GNG7: variants seen among roughly 807,000 people sequenced by gnomAD.
GNG7 encodes the protein G protein subunit gamma 7.
A neutral mutation model predicts 4.0 loss-of-function variants in GNG7; 1 was observed. The ratio of observed to expected loss-of-function variants is 0.25; its 90% CI spans 0.09 to 1.18. The LOEUF is 1.18. Among genes scored for constraint, GNG7 ranks in the 50% most tolerant of loss-of-function variants. The probability of loss-of-function intolerance (pLI) is 0.50; values close to 1 mark genes in which losing one functional copy is unlikely to be tolerated. For synonymous variants in GNG7, 34 were observed against 36.9 expected (o/e 0.92, Z 0.29); for missense variants, 86 against 91.9 (o/e 0.94, Z 0.26).
intron 1 of GNG7, among the ~76,000 whole-genome samples, chr19:2,668,755 C>T (rs1317656942): frequency 6.6e-6 from 1 of 152,152 alleles, no homozygotes; most frequent in South Asian, 2.1e-4. Context: ...CCGTGACATC[C>T]TGATCTTTGC....
chr19:2,604,870 A>G lies in GNG7; in HGVS notation c.-78+41354T>C, dbSNP rs574930324. 4.6e-5 allele frequency among the ~76,000 whole-genome samples: 7 copies of G among 152,330 alleles called. No homozygotes were observed. The East Asian group carries it at 1.2e-3, about 25-fold the overall frequency. On this transcript the variant is annotated intron_variant, in intron 2 of 4. Transcript: ENST00000382159. ...CCCTCTCTTAGAAGTATTAGGCCCA[A>G]GAAACCACCTGAAATCCTGGGATGA...
At chr19:2,701,596 AC>A (rs1028802436) in intron 1 of GNG7, among the ~76,000 whole-genome samples, 2 of 125,586 alleles carry the variant, frequency 1.6e-5, no homozygotes, top group African/African-American at 6.2e-5. Context: ...CGTCAATCAC[AC>A]CCCCCCATCT....
chr19:2,611,846 A>T lies in GNG7; in HGVS notation c.-78+34378T>A, dbSNP rs1462244639. On this transcript the variant is annotated intron_variant, in intron 2 of 4. Transcript: ENST00000382159. This position sits in a 1 kb window ranked among gnomAD's most constrained non-coding sequence, Gnocchi z 6.0. ...GGGAGATTCTGTCTCTAAAAAAATA[A>T]AAAGTAAAAGTAAAAGTAAATAAAA... The T allele has an allele frequency of 6.6e-6, 1 of 152,062 alleles. No individual in the cohort carries two copies. Among genetic ancestry groups the T allele is most frequent in the Non-Finnish European group, 1.5e-5 (1 of 67,970 alleles). The allele number at this position is 152,062 out of a possible 1,614,324, so 9.4% of individuals were successfully genotyped here.
At chr19:2,615,054 C>G (rs369955508) in intron 2 of GNG7, among the ~76,000 whole-genome samples, 2 of 152,236 alleles carry the variant, frequency 1.3e-5, no homozygotes, top group East Asian at 3.8e-4. Context: ...GCCCTCCTTC[C>G]CTGGCTTCAG....
rs1000642640 is a variant in GNG7 at position 2,557,929 on chromosome 19, C to T, written c.-77-2741G>A. Among the ~76,000 whole-genome samples, 1 of 152,038 alleles carries T rather than the reference C, an allele frequency of 6.6e-6. No individual in the cohort carries two copies. Among genetic ancestry groups the T allele is most frequent in the Non-Finnish European group, 1.5e-5 (1 of 68,002 alleles). Reference sequence around the variant, plus strand: ...CGATCTCGGCTCACTGCAACCTCTGCCTCCTGGGTACAAGCGACTCTCCTG... The same window carrying T: ...CGATCTCGGCTCACTGCAACCTCTGTCTCCTGGGTACAAGCGACTCTCCTG... On this transcript the variant is annotated intron_variant, in intron 2 of 4. Transcript: ENST00000382159. This position sits in a 1 kb window ranked among gnomAD's most constrained non-coding sequence, Gnocchi z 5.1.
chr19:2,583,484 C>T (rs1274449978), intron 2 of GNG7, among the ~76,000 whole-genome samples: 1 of 152,168 alleles, frequency 6.6e-6, no homozygotes, highest in Non-Finnish European at 1.5e-5. Flanking sequence ...CCAGCTTTGC[C>T]CGCCCCAGCC....
intron 1 of GNG7, among the ~76,000 whole-genome samples, chr19:2,657,311 G>A (rs1982999568): frequency 8.1e-6 from 1 of 123,158 alleles, no homozygotes; most frequent in Non-Finnish European, 1.6e-5. Flanking sequence ...TTCACCCTGG[G>A]TGACAAAGCA....
At chr19:2,534,742 G>A (rs186070008) in intron 3 of GNG7, among the ~76,000 whole-genome samples, 42 of 152,308 alleles carry the variant, frequency 2.8e-4, no homozygotes, top group African/African-American at 9.1e-4. Context: ...AGAGAGACAC[G>A]AGAACTGATA....
At chr19:2,644,059 C>T (rs575088294) in intron 2 of GNG7, among the ~76,000 whole-genome samples, 36 of 151,992 alleles carry the variant, frequency 2.4e-4, no homozygotes, top group African/African-American at 8.0e-4. Flanking sequence ...CTCGCTCTGT[C>T]GCCCAGGCTG....
At chr19:2,560,954 CAAAAAAA>C (rs33963257) in intron 2 of GNG7, among the ~76,000 whole-genome samples, 1 of 132,600 alleles carries the variant, frequency 7.5e-6, no homozygotes, top group African/African-American at 2.9e-5. Flanking sequence ...GAGACTGTTT[CAAAAAAA>C]AAAAAAAAAA....
chr19:2,600,410 A>T (rs926642029), intron 2 of GNG7, among the ~76,000 whole-genome samples: 1 of 151,934 alleles, frequency 6.6e-6, no homozygotes, highest in Admixed American at 6.6e-5. Context: ...GCAACCTCTG[A>T]AAACTCCACC....
intron 3 of GNG7, among the ~76,000 whole-genome samples, chr19:2,529,302 C>T (rs1284965541): frequency 1.3e-5 from 2 of 152,160 alleles, no homozygotes; most frequent in South Asian, 2.1e-4. Context: ...CTGCAACCTC[C>T]GCCTCCCAGG....
At chr19:2,652,129 C>A (rs979574364) in intron 1 of GNG7, among the ~76,000 whole-genome samples, 1 of 151,574 alleles carries the variant, frequency 6.6e-6, no homozygotes, top group African/African-American at 2.4e-5. Flanking sequence ...GAGCCAAGAT[C>A]GCACTACTGC....
chr19:2,615,629 A>ATTTTTTTTTTTTTTTTTTTTTTTTT (rs1195029403), intron 2 of GNG7, among the ~76,000 whole-genome samples: 2 of 149,534 alleles, frequency 1.3e-5, no homozygotes, highest in Non-Finnish European at 3.0e-5. Flanking sequence ...CGCCTGGCTA[A>ATTTTTTTTTTTTTTTTTTTTTTTTT]TTTTTTTGTA....
At chr19:2,686,901 G>A (rs1467849162) in intron 1 of GNG7, among the ~76,000 whole-genome samples, 32 of 151,762 alleles carry the variant, frequency 2.1e-4, no homozygotes, top group African/African-American at 6.0e-4. Context: ...ACAGGCGCCC[G>A]CCACCACATC....
At chr19:2,603,839 T>TTTA (rs10647731) in intron 2 of GNG7, among the ~76,000 whole-genome samples, 23,754 of 150,362 alleles carry the variant, frequency 0.16, 3,397 homozygotes, top group African/African-American at 0.38. Context: ...TGCCTGTTCT[T>TTTA]TTATTATTAT....
chr19:2,529,747 T>C (rs954106398), intron 3 of GNG7, among the ~76,000 whole-genome samples: 1 of 152,124 alleles, frequency 6.6e-6, no homozygotes, highest in Non-Finnish European at 1.5e-5. Context: ...TGACAGAACA[T>C]TCAGGTTTCA....
At chr19:2,552,125 C>T (rs1023665419) in intron 3 of GNG7, among the ~76,000 whole-genome samples, 1 of 152,052 alleles carries the variant, frequency 6.6e-6, no homozygotes, top group Non-Finnish European at 1.5e-5. Flanking sequence ...TGGTTGCACG[C>T]TCCTTATGAG....
At position 2,602,901 on chromosome 19, in the gene GNG7, C is replaced by CTTTCTTTTTCT. The variant is rs1555697047; in HGVS notation, c.-78+43322_-78+43323insAGAAAAAGAAA. On this transcript the variant is annotated intron_variant, in intron 2 of 4. Transcript: ENST00000382159. Reference sequence around the variant, plus strand: ...TCTTTCTCTTTCTTTTTCTCTTTTTCTTTCTTTCTTTCTTTCTTTCTTTTT... The same window carrying CTTTCTTTTTCT: ...TCTTTCTCTTTCTTTTTCTCTTTTTCTTTCTTTTTCTTTTCTTTCTTTCTTTCTTTCTTTTT... 2.0e-5 allele frequency among the ~76,000 whole-genome samples: 3 copies of CTTTCTTTTTCT among 148,844 alleles called. No homozygotes were observed. In the South Asian group the frequency reaches 6.3e-4, roughly 31 times the overall value.
Sources: gnomAD v4.1 joint callset for allele counts (sites outside exome capture counted in the v4.1 genomes callset) on GRCh38, gnomAD v4.1.1 for gene constraint, Gnocchi (gnomAD v3.1) non-coding constraint, MANE v1.5 for transcripts, NCBI Gene and HGNC (gene_info 2026-07-23, HGNC 2026-07-21) for gene names.